The following TMPRSS9 variants were observed in gnomAD, a reference collection of about 807,000 sequenced individuals.
The protein encoded by TMPRSS9 is transmembrane serine protease 9, also known as transmembrane protease serine 9.
A neutral mutation model predicts 111.4 loss-of-function variants in TMPRSS9; 113 were observed. The observed-to-expected ratio is 1.01, with a 90% confidence interval of 0.87 to 1.19. The LOEUF is 1.19. Among genes scored for constraint, TMPRSS9 ranks in the 50% most tolerant of loss-of-function variants. The probability of loss-of-function intolerance (pLI) is 0.00; values close to 1 mark genes in which losing one functional copy is unlikely to be tolerated. For missense variants in TMPRSS9, 1,803 were observed against 1,513.1 expected, an observed-to-expected ratio of 1.19 and a Z score of -3.18; for synonymous variants, 805 against 659.1, an observed-to-expected ratio of 1.22 and a Z score of -3.39.
At chr19:2,415,240 C>T (rs989514949) in intron 10 of TMPRSS9, among the ~76,000 whole-genome samples, 2 of 152,046 alleles carry the variant, frequency 1.3e-5, no homozygotes, top group African/African-American at 2.4e-5. Flanking sequence ...CCACCGCGCC[C>T]GGCCATGCTT....
chr19:2,401,190 C>A (rs754534760), intron 4 of TMPRSS9, among the ~76,000 whole-genome samples: 1 of 151,986 alleles, frequency 6.6e-6, no homozygotes, highest in Non-Finnish European at 1.5e-5. Flanking sequence ...AGGAGAATAG[C>A]GTGAACCCGG....
chr19:2,400,433 TCAGGAGGCTGAGG>T (rs1271571721), intron 4 of TMPRSS9, among the ~76,000 whole-genome samples: 2 of 151,912 alleles, frequency 1.3e-5, no homozygotes, highest in Non-Finnish European at 2.9e-5. Context: ...TCCCAGCTGC[TCAGGAGGCTGAGG>T]CAGGAGAATT....
intron 14 of TMPRSS9, among the ~76,000 whole-genome samples, chr19:2,422,704 G>A (rs1391378928): frequency 6.6e-6 from 1 of 152,196 alleles, no homozygotes; most frequent in Non-Finnish European, 1.5e-5. Flanking sequence ...TGGCCAACAT[G>A]GTGAAACCCC....
At chr19:2,400,458 C>G (rs1367038269) in intron 4 of TMPRSS9, among the ~76,000 whole-genome samples, 1 of 152,034 alleles carries the variant, frequency 6.6e-6, no homozygotes, top group Admixed American at 6.6e-5. Flanking sequence ...AGGAGAATTG[C>G]TGGAACCCAG....
At position 2,402,084 on chromosome 19, in the gene TMPRSS9, A is replaced by G. The variant is rs140062235; in HGVS notation, c.556+68A>G. On this transcript the variant is annotated intron_variant, in intron 5 of 17. Coordinates refer to ENST00000648592, the Ensembl canonical transcript of TMPRSS9. ...ACAGAGGTTTCCTAAGACTCATTTC[A>G]AGGAAGTGAAGGAATCCCTGGAACG... The G allele has an allele frequency of 4.2e-5, 63 of 1,498,612 alleles. No homozygotes were observed. The East Asian group carries it at 4.8e-4, about 11-fold the overall frequency. The allele number at this position is 1,498,612 out of a possible 1,614,324, so 92.8% of individuals were successfully genotyped here. A position where few individuals can be genotyped will look rare whatever the true frequency, so the allele number is the denominator to read the frequency against.
intron 6 of TMPRSS9, among the ~76,000 whole-genome samples, chr19:2,404,650 G>A (rs1326555076): frequency 2.0e-5 from 3 of 152,034 alleles, no homozygotes; most frequent in Admixed American, 1.3e-4. Context: ...TCAAGACTAG[G>A]CCTGATGCCG....
chr19:2,397,602 C>T (rs758708447), intron 2 of TMPRSS9, among the ~76,000 whole-genome samples: 80 of 152,114 alleles, frequency 5.3e-4, no homozygotes, highest in Non-Finnish European at 9.4e-4. Context: ...CGTGTGACCA[C>T]ATCAGCAATC....
chr19:2,423,627 C>T (rs959188586), intron 14 of TMPRSS9, among the ~76,000 whole-genome samples: 1 of 152,170 alleles, frequency 6.6e-6, no homozygotes, highest in Non-Finnish European at 1.5e-5. Context: ...GGAAACCACC[C>T]ACGTGTTCTT....
intron 2 of TMPRSS9, 27 bp downstream of exon 3, chr19:2,396,693 A>G (rs1337872524): frequency 1.0e-5 from 16 of 1,586,638 alleles, no homozygotes; most frequent in East Asian, 2.3e-5. Flanking sequence ...TTTGGGGGCC[A>G]GGGAGGAAGA....
intron 1 of TMPRSS9, among the ~76,000 whole-genome samples, chr19:2,383,315 C>T (rs1371275865): frequency 1.3e-5 from 2 of 151,644 alleles, no homozygotes; most frequent in African/African-American, 4.8e-5. Flanking sequence ...GATTGCACCA[C>T]TGCACTCCAG....
chr19:2,422,447 G>C (rs1010612930), intron 14 of TMPRSS9, among the ~76,000 whole-genome samples, 200 bp downstream of exon 15: 2 of 152,196 alleles, frequency 1.3e-5, no homozygotes, highest in Non-Finnish European at 2.9e-5. Context: ...CAGGCGTGGT[G>C]GTGGGCGCCT....
At chr19:2,418,097 A>T (rs576958543) in exon 13 of TMPRSS9, 1 of 1,612,250 alleles carries the variant, frequency 6.2e-7, no homozygotes, top group Admixed American at 1.7e-5. Context: ...AGACCGCATG[A>T]TCTGCGCAGG....
At chr19:2,383,481 G>A (rs111419150) in intron 1 of TMPRSS9, among the ~76,000 whole-genome samples, 1,586 of 150,304 alleles carry the variant, frequency 0.011, 19 homozygotes, top group African/African-American at 0.03. Context: ...GCAAGACCCC[G>A]TCTCTAAAAA....
At chr19:2,406,169 C>T (rs2145341626) in intron 7 of TMPRSS9, among the ~76,000 whole-genome samples, 1 of 151,096 alleles carries the variant, frequency 6.6e-6, no homozygotes. Context: ...CGCCACCACG[C>T]CCAGCTAATT....
chr19:2,375,462 T>C (rs1258407271), intron 1 of TMPRSS9, among the ~76,000 whole-genome samples: 1 of 139,128 alleles, frequency 7.2e-6, no homozygotes, highest in Non-Finnish European at 1.5e-5. Flanking sequence ...CAGGGTCCAG[T>C]GCGGACCAAT....
At chr19:2,364,005 G>GTC in intron 1 of TMPRSS9, among the ~76,000 whole-genome samples, 1 of 151,892 alleles carries the variant, frequency 6.6e-6, no homozygotes, top group East Asian at 1.9e-4. Flanking sequence ...CCAACAGGAC[G>GTC]CTGTTGGTAT....
At chr19:2,416,337 C>T (rs1971229869) in intron 11 of TMPRSS9, 3 of 677,444 alleles carry the variant, frequency 4.4e-6, no homozygotes, top group Admixed American at 3.1e-5. Context: ...TCCGAGGTCC[C>T]CCAGCTTGGG....
upstream of TMPRSS9, among the ~76,000 whole-genome samples, chr19:2,386,278 G>C (rs1392459800): frequency 1.3e-5 from 2 of 152,078 alleles, no homozygotes; most frequent in Non-Finnish European, 2.9e-5. Flanking sequence ...GGCTGAGGTG[G>C]GCAGATCACG....
At chr19:2,364,781 C>G (rs919432991) in intron 1 of TMPRSS9, among the ~76,000 whole-genome samples, 1 of 151,654 alleles carries the variant, frequency 6.6e-6, no homozygotes, top group African/African-American at 2.4e-5. Context: ...GTCAGGAGAT[C>G]GAGACCATCC....
Sources: gnomAD v4.1 joint callset for allele counts (sites outside exome capture counted in the v4.1 genomes callset) on GRCh38, gnomAD v4.1.1 for gene constraint, MANE v1.5 for transcripts, NCBI Gene and HGNC (gene_info 2026-07-23, HGNC 2026-07-21) for gene names.